The following XIRP2 variants were observed in gnomAD, a reference collection of about 807,000 sequenced individuals.
The protein encoded by XIRP2 is xin actin-binding repeat-containing protein 2.
In XIRP2, 236 loss-of-function variants were observed where a neutral mutation model predicts 277.0. The observed-to-expected ratio is 0.85, with a 90% CI of 0.77 to 0.95. The LOEUF is 0.95. XIRP2 is among the 40% of genes least tolerant of loss of function. The probability of loss-of-function intolerance (pLI) is 0.00; values close to 1 mark genes in which losing one functional copy is unlikely to be tolerated. For missense variants in XIRP2, 4,640 were observed against 4,157.5 expected, an observed-to-expected ratio of 1.12 and a Z score of -3.19; for synonymous variants, 1,490 against 1,416.5, an observed-to-expected ratio of 1.05 and a Z score of -1.17.
At chr2:167,103,441 T>G (rs1439968049) in intron 2 of XIRP2, among the ~76,000 whole-genome samples, 2 of 152,170 alleles carry the variant, frequency 1.3e-5, no homozygotes, top group Non-Finnish European at 2.9e-5. Flanking sequence ...GGCTTTGGCT[T>G]TTTCTGAATG....
chr2:166,954,278 C>A (rs533536229), intron 2 of XIRP2, among the ~76,000 whole-genome samples: 2 of 151,920 alleles, frequency 1.3e-5, no homozygotes, highest in East Asian at 3.9e-4. Context: ...TAATAAAACA[C>A]GTATTTAGTA....
At chr2:166,958,688 T>G (rs1686228886) in intron 2 of XIRP2, among the ~76,000 whole-genome samples, 1 of 151,796 alleles carries the variant, frequency 6.6e-6, no homozygotes, top group African/African-American at 2.4e-5. Context: ...CAGTAAATGT[T>G]GTGCTTCTTG....
intron 3 of XIRP2, among the ~76,000 whole-genome samples, chr2:167,181,526 T>G (rs1485033544): frequency 1.3e-5 from 2 of 152,164 alleles, no homozygotes; most frequent in Non-Finnish European, 2.9e-5. Context: ...TGTTATTTTT[T>G]ATTTTTTAAA....
chr2:167,107,491 A>ATG (rs1690646027), intron 2 of XIRP2, among the ~76,000 whole-genome samples: 1 of 151,740 alleles, frequency 6.6e-6, no homozygotes, highest in African/African-American at 2.4e-5. Flanking sequence ...TATTAATATG[A>ATG]TGAATTTCAC....
In XIRP2 at chr2:167,249,806, G is replaced by C. The variant is rs1407953090; in HGVS notation, c.8414G>C (p.Arg2805Thr). 1 of 1,613,386 alleles carries C rather than the reference G, an allele frequency of 6.2e-7. No homozygotes were observed. Residue 2805 changes from arginine to threonine, a missense_variant, in exon 9 of 11, where the codon AGA becomes ACA. Coordinates refer to ENST00000409195, the MANE Select transcript of XIRP2 (RefSeq NM_152381.6). ...CTCAAGATGGTTCCCAGGAAGCAAA[G>C]AGAATTTAGCGGATCTGACAGAGGG... is the stretch of plus-strand genomic sequence containing the variant. ...DKLKMVPRKQ[R>T]EFSGSDRGKL...
chr2:167,040,504 G>C (rs921426554), intron 2 of XIRP2, among the ~76,000 whole-genome samples: 5 of 152,128 alleles, frequency 3.3e-5, no homozygotes, highest in Non-Finnish European at 7.3e-5. Flanking sequence ...GGACATTTGA[G>C]CTGGCAGGAA....
intron 3 of XIRP2, among the ~76,000 whole-genome samples, chr2:167,189,957 A>G (rs372559850): frequency 6.6e-6 from 1 of 151,912 alleles, no homozygotes; most frequent in Non-Finnish European, 1.5e-5. Context: ...GGTCCCCACA[A>G]CTCCCTCCTC....
intron 2 of XIRP2, among the ~76,000 whole-genome samples, chr2:166,953,114 C>T (rs760559930): frequency 4.6e-5 from 7 of 151,922 alleles, no homozygotes; most frequent in South Asian, 2.1e-4. Context: ...TGGTAATGTT[C>T]CCCTATTATG....
intron 2 of XIRP2, among the ~76,000 whole-genome samples, chr2:166,958,820 C>A (rs2105404714): frequency 6.6e-6 from 1 of 151,884 alleles, no homozygotes; most frequent in East Asian, 1.9e-4. Flanking sequence ...TAGTATCTTA[C>A]AATTTGAATA....
intron 3 of XIRP2, among the ~76,000 whole-genome samples, chr2:167,195,312 C>G (rs1693467142): frequency 1.3e-5 from 2 of 152,218 alleles, no homozygotes; most frequent in South Asian, 2.1e-4. Context: ...ACTCCAGTCT[C>G]TTTCCTGACA....
intron 2 of XIRP2, among the ~76,000 whole-genome samples, chr2:166,953,098 C>T (rs1686075734): frequency 6.6e-6 from 1 of 151,970 alleles, no homozygotes; most frequent in South Asian, 2.1e-4. Flanking sequence ...GTGTCCCTAG[C>T]ATACCTGGTA....
At chr2:167,047,542 A>G (rs1688814239) in intron 2 of XIRP2, among the ~76,000 whole-genome samples, 1 of 151,974 alleles carries the variant, frequency 6.6e-6, no homozygotes, top group Admixed American at 6.6e-5. Context: ...TTCAGATACA[A>G]TTTTGAGGGC....
intron 3 of XIRP2, among the ~76,000 whole-genome samples, chr2:167,140,635 C>A (rs889094764): frequency 6.6e-6 from 1 of 152,192 alleles, no homozygotes; most frequent in African/African-American, 2.4e-5. Flanking sequence ...ACCTACTGTA[C>A]CTTATTTCAT....
rs572473386 is a variant in XIRP2 at position 166,935,264 on chromosome 2, G to T, written c.408+31374G>T. ...TGTGGGAAAATGATGAATATCTAAT[G>T]TTATAAAAATGCAATATTTAAAACC... On this transcript the variant is annotated intron_variant, in intron 2 of 10. Transcript: ENST00000409195. Among the ~76,000 whole-genome samples the T allele has an allele frequency of 4.8e-3, 736 of 152,160 alleles. 3 individuals carry two copies. Among genetic ancestry groups the T allele is most frequent in the Non-Finnish European group, 7.9e-3 (540 of 68,028 alleles).
chr2:167,256,905 C>G (rs1349218405), intron 10 of XIRP2, among the ~76,000 whole-genome samples: 4 of 151,870 alleles, frequency 2.6e-5, no homozygotes, highest in African/African-American at 9.7e-5. Context: ...AATCTTGATT[C>G]TACTCTCCTA....
intron 2 of XIRP2, among the ~76,000 whole-genome samples, chr2:167,096,896 T>C (rs1269324729): frequency 6.6e-6 from 1 of 152,218 alleles, no homozygotes; most frequent in East Asian, 1.9e-4. Flanking sequence ...TTGATTGCAC[T>C]GTGGTCTGAA....
intron 10 of XIRP2, among the ~76,000 whole-genome samples, chr2:167,254,518 A>G (rs1695605826): frequency 6.6e-6 from 1 of 151,920 alleles, no homozygotes. Flanking sequence ...GGTCTAGATC[A>G]TAAGTAATTT....
chr2:166,918,738 G>A (rs1249294646), intron 2 of XIRP2, among the ~76,000 whole-genome samples: 2 of 152,148 alleles, frequency 1.3e-5, no homozygotes, highest in East Asian at 3.9e-4. Context: ...ATTATTTCCT[G>A]CTTTTAAAAT....
chr2:167,065,628 C>T (rs565432375), intron 2 of XIRP2, among the ~76,000 whole-genome samples: 8 of 151,880 alleles, frequency 5.3e-5, no homozygotes, highest in African/African-American at 1.7e-4. Context: ...CCTTTAAAAA[C>T]GTTTTCAATT....
Sources: gnomAD v4.1 joint callset for allele counts (sites outside exome capture counted in the v4.1 genomes callset) on GRCh38, gnomAD v4.1.1 for gene constraint, MANE v1.5 for transcripts, NCBI Gene and HGNC (gene_info 2026-07-23, HGNC 2026-07-21) for gene names.